USH2A: variants seen among roughly 807,000 people sequenced by gnomAD.
The protein encoded by USH2A is Usher syndrome 2A (autosomal recessive, mild).
USH2A carries 443 observed loss-of-function variants against 538.9 expected under a neutral mutation model. The ratio of observed to expected loss-of-function variants is 0.82; its 90% confidence interval spans 0.76 to 0.89. The LOEUF (loss-of-function observed/expected upper bound fraction) is 0.89. USH2A is among the 40% of genes least tolerant of loss of function. The pLI is 0.00. For synonymous variants in USH2A, 2,413 were observed against 2,273.5 expected (o/e 1.06, Z -1.75); for missense variants, 6,633 against 6,324.8 (o/e 1.05, Z -1.65).
chr1:216,329,519 G>A (rs903226825), intron 4 of USH2A, among the ~76,000 whole-genome samples: 2 of 152,126 alleles, frequency 1.3e-5, no homozygotes, highest in Admixed American at 6.6e-5. Context: ...AGATAATGTT[G>A]TCAAGGAAGC....
intron 38 of USH2A, among the ~76,000 whole-genome samples, chr1:215,923,017 A>G (rs1057491803): frequency 2.6e-5 from 4 of 152,082 alleles, no homozygotes; most frequent in African/African-American, 7.2e-5. Context: ...ATCTCATGTG[A>G]CATCCAGCTT....
chr1:215,748,210 C>A (rs1352957120), intron 58 of USH2A, among the ~76,000 whole-genome samples: 2 of 152,116 alleles, frequency 1.3e-5, no homozygotes, highest in Non-Finnish European at 2.9e-5. Context: ...AGTGCAGTGG[C>A]ATGATCTTGG....
rs12410958 is a variant in USH2A, at chr1:216,165,997, T to C, written c.4627+9255A>G. Among the ~76,000 whole-genome samples, 364 of 152,194 alleles carry C rather than the reference T, an allele frequency of 2.4e-3. 7 individuals are homozygous for C. The highest frequency in any genetic ancestry group is 0.017 in the Admixed American group (260 of 15,258). ...TCCCCTGAGTCCCCAAAGTCCATTG[T>C]ATCATCGTTATGCCTTTGCGTCCTC... On this transcript the variant is annotated intron_variant, in intron 21 of 71. Transcript: ENST00000307340.
chr1:215,754,950 C>T (rs764930330), intron 58 of USH2A, among the ~76,000 whole-genome samples: 6 of 152,140 alleles, frequency 3.9e-5, no homozygotes, highest in East Asian at 1.9e-4. Flanking sequence ...GAGATCATTG[C>T]TGTCACGTGG....
At chr1:216,047,852 A>G (rs2030589700) in intron 31 of USH2A, among the ~76,000 whole-genome samples, 1 of 152,180 alleles carries the variant, frequency 6.6e-6, no homozygotes, top group Admixed American at 6.5e-5. Flanking sequence ...ATGTTTTGAG[A>G]GCTGTTATTT....
chr1:215,899,963 C>G, intron 40 of USH2A, 112 bp downstream of exon 40: 1 of 1,512,624 alleles, frequency 6.6e-7, no homozygotes, highest in East Asian at 2.3e-5. Flanking sequence ...GTTATTGTCA[C>G]TAAACAACAA....
chr1:215,800,124 A>G (rs915486026), intron 49 of USH2A, among the ~76,000 whole-genome samples: 7 of 152,318 alleles, frequency 4.6e-5, no homozygotes, highest in African/African-American at 1.7e-4. Flanking sequence ...TCTAAAGGAC[A>G]GAAGATTTTG....
At chr1:216,213,578 C>T (rs1298079614) in intron 15 of USH2A, among the ~76,000 whole-genome samples, 3 of 151,516 alleles carry the variant, frequency 2.0e-5, no homozygotes, top group African/African-American at 7.3e-5. Context: ...ATACCATGTA[C>T]AAAACTAATT....
intron 35 of USH2A, among the ~76,000 whole-genome samples, chr1:215,982,427 C>G (rs186396435): frequency 5.3e-5 from 8 of 152,300 alleles, no homozygotes; most frequent in African/African-American, 1.9e-4. Flanking sequence ...TGCTGCACTT[C>G]TCTTGTAAAA....
At position 215,650,819 on chromosome 1, in the gene USH2A, C is replaced by T; in HGVS notation, c.14134-18G>A. 7.4e-7 allele frequency: 1 copy of T among 1,353,762 alleles called. No individual in the cohort carries two copies. Among genetic ancestry groups the T allele is most frequent in the Non-Finnish European group, 9.9e-7 (1 of 1,008,830 alleles). The allele number at this position is 1,353,762 out of a possible 1,614,324, so 83.9% of individuals were successfully genotyped here. A position where few individuals can be genotyped will look rare whatever the true frequency, so the allele number is the denominator to read the frequency against. On this transcript the variant is annotated intron_variant, in intron 64 of 71. Transcript: ENST00000307340. ...GCCCAGACCTCCAAAGAGAAATCAACAAGACTGTCAAAAGCAAGATACCCT... is the reference window on the plus strand; with the variant it reads ...GCCCAGACCTCCAAAGAGAAATCAATAAGACTGTCAAAAGCAAGATACCCT...
At chr1:216,008,244 G>A (rs1410223555) in intron 32 of USH2A, among the ~76,000 whole-genome samples, 3 of 151,800 alleles carry the variant, frequency 2.0e-5, no homozygotes, top group African/African-American at 4.8e-5. Flanking sequence ...ATTCCACCAT[G>A]AAAGAAGTGA....
chr1:215,671,989 A>C (rs1433564632), intron 63 of USH2A, among the ~76,000 whole-genome samples: 2 of 152,146 alleles, frequency 1.3e-5, no homozygotes, highest in East Asian at 3.9e-4. Context: ...AGTTAACCCA[A>C]CTACACACCA....
intron 3 of USH2A, among the ~76,000 whole-genome samples, chr1:216,411,211 A>G (rs2039484257): frequency 6.6e-6 from 1 of 152,056 alleles, no homozygotes; most frequent in African/African-American, 2.4e-5. Flanking sequence ...TTTTTAGTCT[A>G]TGTAACATAT....
chr1:215,862,059 C>T (rs1334755723), intron 44 of USH2A, among the ~76,000 whole-genome samples: 4 of 151,942 alleles, frequency 2.6e-5, no homozygotes, highest in East Asian at 1.9e-4. Context: ...AGGATGGTCT[C>T]GATCTCCTGA....
chr1:215,788,762 A>G (rs1661880992), intron 51 of USH2A, among the ~76,000 whole-genome samples: 1 of 152,174 alleles, frequency 6.6e-6, no homozygotes, highest in Non-Finnish European at 1.5e-5. Context: ...GAGTAGACAT[A>G]ATTTTTAACC....
intron 21 of USH2A, among the ~76,000 whole-genome samples, chr1:216,130,521 C>G (rs1437377332): frequency 1.4e-5 from 2 of 145,160 alleles, no homozygotes; most frequent in African/African-American, 5.0e-5. Flanking sequence ...AGTATTCCAT[C>G]ATATATATTT....
intron 38 of USH2A, among the ~76,000 whole-genome samples, chr1:215,925,552 G>A (rs1038310745): frequency 2.6e-5 from 4 of 152,134 alleles, no homozygotes; most frequent in African/African-American, 9.7e-5. Flanking sequence ...GTAGAATGTT[G>A]TCGTTTTAAA....
At chr1:216,081,153 T>C (rs1204796420) in intron 26 of USH2A, among the ~76,000 whole-genome samples, 4 of 152,056 alleles carry the variant, frequency 2.6e-5, no homozygotes, top group Non-Finnish European at 4.4e-5. Context: ...TCAAGGTTTG[T>C]GAAGCCCAAT....
chr1:215,638,535 G>T (rs1399474416), intron 69 of USH2A, among the ~76,000 whole-genome samples: 2 of 149,404 alleles, frequency 1.3e-5, no homozygotes, highest in Non-Finnish European at 3.0e-5. Flanking sequence ...CAGGAGAATC[G>T]CTTGAACCTG....
Sources: gnomAD v4.1 joint callset for allele counts (sites outside exome capture counted in the v4.1 genomes callset) on GRCh38, gnomAD v4.1.1 for gene constraint, MANE v1.5 for transcripts, NCBI Gene and HGNC (gene_info 2026-07-23, HGNC 2026-07-21) for gene names.